Variants in CRPPA observed in about 807,000 individuals in gnomAD.
CRPPA encodes the protein CDP-L-ribitol pyrophosphorylase A, also known as D-ribitol-5-phosphate cytidylyltransferase.
CRPPA carries 43 observed loss-of-function variants against 52.0 expected under a neutral mutation model. The observed-to-expected ratio is 0.83, with a 90% CI of 0.65 to 1.07. The LOEUF (loss-of-function observed/expected upper bound fraction) is 1.07. Ranked by LOEUF, CRPPA falls within the 50% of genes least tolerant of loss-of-function variation. The pLI, the probability that CRPPA is intolerant of heterozygous loss-of-function variation, is 0.00. For missense variants in CRPPA, 629 were observed against 551.7 expected, an observed-to-expected ratio of 1.14 and a Z score of -1.40; for synonymous variants, 250 against 203.5, an observed-to-expected ratio of 1.23 and a Z score of -1.94.
At chr7:16,206,474 T>C (rs1378681134) in intron 9 of CRPPA, among the ~76,000 whole-genome samples, 1 of 152,206 alleles carries the variant, frequency 6.6e-6, no homozygotes, top group East Asian at 1.9e-4. Context: ...TCTGAACCCC[T>C]CTTTTGAAAG....
At chr7:16,409,709 C>T (rs1351772803) in intron 1 of CRPPA, among the ~76,000 whole-genome samples, 1 of 152,210 alleles carries the variant, frequency 6.6e-6, no homozygotes, top group Non-Finnish European at 1.5e-5. Context: ...TACACGATCT[C>T]TCATACAAGA....
intron 8 of CRPPA, among the ~76,000 whole-genome samples, chr7:16,224,518 C>T (rs1177365623): frequency 6.6e-6 from 1 of 151,992 alleles, no homozygotes; most frequent in African/African-American, 2.4e-5. Flanking sequence ...CTGCTTAATG[C>T]CCACCAAAGT....
chr7:16,179,027 T>C (rs556812388), intron 9 of CRPPA, among the ~76,000 whole-genome samples: 2 of 150,790 alleles, frequency 1.3e-5, no homozygotes, highest in Non-Finnish European at 3.0e-5. Context: ...ACGAATCTTA[T>C]CTCAATTTAG....
chr7:16,217,423 G>C (rs1447744494), intron 8 of CRPPA, among the ~76,000 whole-genome samples: 1 of 148,764 alleles, frequency 6.7e-6, no homozygotes, highest in Non-Finnish European at 1.5e-5. Context: ...CACCAGCAAC[G>C]GAACAAAGCT....
chr7:16,109,949 T>C (rs945216848), intron 9 of CRPPA, among the ~76,000 whole-genome samples: 3 of 151,894 alleles, frequency 2.0e-5, no homozygotes, highest in African/African-American at 7.2e-5. Flanking sequence ...GTCCCTCCCA[T>C]AGCAACTAGC....
chr7:16,341,798 G>C (rs1167086507), intron 3 of CRPPA, among the ~76,000 whole-genome samples: 1 of 152,090 alleles, frequency 6.6e-6, no homozygotes, highest in African/African-American at 2.4e-5. Context: ...TAACAGTCTG[G>C]GAAGTGATGG....
chr7:16,371,293 T>G (rs553746752), intron 3 of CRPPA, among the ~76,000 whole-genome samples: 1 of 152,066 alleles, frequency 6.6e-6, no homozygotes, highest in African/African-American at 2.4e-5. Flanking sequence ...AAAATTAAAC[T>G]GTATACCACA....
rs1388107378 is a variant in CRPPA, at chr7:16,389,929, ATATATAT to A, written c.535-13695_535-13689del. On this transcript the variant is annotated intron_variant, in intron 2 of 9. Transcript: ENST00000407010. ...CCTAGTATACAAAAAAAAAAAAAAA[ATATATAT>A]ATATATATATATATATATATATCAG... is the stretch of plus-strand genomic sequence containing the variant. 8.4e-4 allele frequency among the ~76,000 whole-genome samples: 32 copies of A among 38,118 alleles called. 1 individual carries two copies. The highest frequency in any genetic ancestry group is 3.8e-3 in the African/African-American group (31 of 8,066). 25.0% of individuals were successfully genotyped at this position (38,118 alleles called of 152,430 possible).
chr7:16,222,156 T>G (rs1189490166), intron 8 of CRPPA, among the ~76,000 whole-genome samples: 2 of 151,902 alleles, frequency 1.3e-5, no homozygotes, highest in Non-Finnish European at 1.5e-5. Flanking sequence ...GGGGCATAGA[T>G]GAAATTGGAA....
intron 9 of CRPPA, among the ~76,000 whole-genome samples, chr7:16,156,873 C>T (rs1783192257): frequency 6.6e-6 from 1 of 152,070 alleles, no homozygotes; most frequent in Non-Finnish European, 1.5e-5. Context: ...TCATAGATCA[C>T]CTGAAATCAA....
intron 9 of CRPPA, among the ~76,000 whole-genome samples, chr7:16,212,514 C>T (rs1054035935): frequency 1.3e-5 from 2 of 152,100 alleles, no homozygotes; most frequent in African/African-American, 4.8e-5. Flanking sequence ...CCTCTCTGAA[C>T]TCTACTAAAA....
intron 9 of CRPPA, among the ~76,000 whole-genome samples, chr7:16,141,973 A>G (rs2128376069): frequency 6.6e-6 from 1 of 152,220 alleles, no homozygotes; most frequent in East Asian, 1.9e-4. Flanking sequence ...AGAGAGAGGA[A>G]ATAGGGGAAG....
chr7:16,325,398 C>T (rs1290516570), intron 3 of CRPPA, among the ~76,000 whole-genome samples: 2 of 152,168 alleles, frequency 1.3e-5, no homozygotes, highest in African/African-American at 4.8e-5. Context: ...CAGCAACTTG[C>T]CAGTTGCCAA....
intron 9 of CRPPA, among the ~76,000 whole-genome samples, chr7:16,154,842 C>T (rs1783143214): frequency 6.7e-6 from 1 of 149,338 alleles, no homozygotes; most frequent in Non-Finnish European, 1.5e-5. Flanking sequence ...GAATCTCACT[C>T]TGCTGCCCAG....
intron 9 of CRPPA, among the ~76,000 whole-genome samples, chr7:16,139,546 A>G (rs1782826923): frequency 6.6e-6 from 1 of 152,178 alleles, no homozygotes; most frequent in African/African-American, 2.4e-5. Context: ...TGCAAAAGTT[A>G]CTGTGGTTTT....
At chr7:16,346,291 G>A (rs1020592245) in intron 3 of CRPPA, among the ~76,000 whole-genome samples, 5 of 152,066 alleles carry the variant, frequency 3.3e-5, no homozygotes, top group African/African-American at 1.2e-4. Context: ...GTACTATGAC[G>A]GAAGTAAAAG....
At chr7:16,261,747 T>C (rs1244643842) in intron 6 of CRPPA, among the ~76,000 whole-genome samples, 1 of 152,140 alleles carries the variant, frequency 6.6e-6, no homozygotes, top group East Asian at 1.9e-4. Context: ...GTTTTCCTTC[T>C]GCTTCTTATA....
intron 9 of CRPPA, among the ~76,000 whole-genome samples, chr7:16,141,525 T>C (rs1782870306): frequency 6.6e-6 from 1 of 152,232 alleles, no homozygotes; most frequent in Non-Finnish European, 1.5e-5. Context: ...TGTGAGCTAA[T>C]ATGACTATTA....
chr7:16,364,959 C>G (rs1018469414), intron 3 of CRPPA, among the ~76,000 whole-genome samples: 3 of 152,162 alleles, frequency 2.0e-5, no homozygotes, highest in African/African-American at 7.2e-5. Context: ...CATAAGATTT[C>G]AAATTTATAG....
Sources: gnomAD v4.1 joint callset for allele counts (sites outside exome capture counted in the v4.1 genomes callset) on GRCh38, gnomAD v4.1.1 for gene constraint, MANE v1.5 for transcripts, NCBI Gene and HGNC (gene_info 2026-07-23, HGNC 2026-07-21) for gene names.